Variants in AGFG1 observed in about 807,000 individuals in gnomAD.
The protein encoded by AGFG1 is ArfGAP with FG repeats 1, also known as arf-GAP domain and FG repeat-containing protein 1.
A neutral mutation model predicts 60.6 loss-of-function variants in AGFG1; 10 were observed. The ratio of observed to expected loss-of-function variants is 0.16; its 90% CI spans 0.10 to 0.28. AGFG1 has a LOEUF of 0.28. Among genes scored for constraint, AGFG1 ranks in the 10% least tolerant of loss-of-function variants. AGFG1 has a pLI of 1.00. For missense variants in AGFG1, 537 were observed against 676.5 expected (o/e 0.79, Z 2.29); for synonymous variants, 247 against 242.9 (o/e 1.02, Z -0.16).
chr2:227,546,467 C>T (rs370035462), intron 10 of AGFG1, among the ~76,000 whole-genome samples: 193 of 152,316 alleles, frequency 1.3e-3, no homozygotes, highest in African/African-American at 4.4e-3. Flanking sequence ...CGCCTTGCTT[C>T]GGCTCACACT....
At chr2:227,504,226 C>T (rs1213352553) in intron 2 of AGFG1, among the ~76,000 whole-genome samples, 16 of 150,818 alleles carry the variant, frequency 1.1e-4, no homozygotes, top group Non-Finnish European at 2.1e-4. Context: ...TCTCAACTTC[C>T]GTCACTCCCG....
rs376341887 is a variant in AGFG1 at position 227,520,108 on chromosome 2, A to T, written c.377+45A>T. 8 of 1,154,102 alleles carry T rather than the reference A, an allele frequency of 6.9e-6. No homozygotes were observed. In the African/African-American group the frequency reaches 9.7e-5, roughly 14 times the overall value. The allele number at this position is 1,154,102 out of a possible 1,614,324, so 71.5% of individuals were successfully genotyped here. A position where few individuals can be genotyped will look rare whatever the true frequency, so the allele number is the denominator to read the frequency against. On this transcript the variant is annotated intron_variant, in intron 3 of 12. Transcript: ENST00000310078. ...GTAGAATAAAGCCTCCCCAAATCACATATTAACTATGGGTAAGGTTAGTCT... is the reference window on the plus strand; with the variant it reads ...GTAGAATAAAGCCTCCCCAAATCACTTATTAACTATGGGTAAGGTTAGTCT...
At chr2:227,518,768 C>T (rs759233406) in intron 2 of AGFG1, among the ~76,000 whole-genome samples, 6 of 151,944 alleles carry the variant, frequency 3.9e-5, no homozygotes, top group Admixed American at 3.3e-4. Flanking sequence ...TCAGGTGATC[C>T]GCCTGCACCC....
At chr2:227,493,058 G>C (rs191999708) in intron 2 of AGFG1, among the ~76,000 whole-genome samples, 1 of 152,208 alleles carries the variant, frequency 6.6e-6, no homozygotes, top group Non-Finnish European at 1.5e-5. Context: ...GCAAAACTGT[G>C]ATAACAGCAG....
chr2:227,518,786 G>T (rs1182539237), intron 2 of AGFG1, among the ~76,000 whole-genome samples: 2 of 152,030 alleles, frequency 1.3e-5, no homozygotes, highest in African/African-American at 4.8e-5. Context: ...CCCGGCCTCA[G>T]TGTCATTTTA....
At chr2:227,503,520 G>A (rs988070364) in intron 2 of AGFG1, among the ~76,000 whole-genome samples, 1 of 152,188 alleles carries the variant, frequency 6.6e-6, no homozygotes, top group Non-Finnish European at 1.5e-5. Flanking sequence ...AGCTACCATT[G>A]TGAGACATGG....
chr2:227,549,718 G>A (rs1033302572), intron 10 of AGFG1, among the ~76,000 whole-genome samples: 17 of 152,256 alleles, frequency 1.1e-4, no homozygotes, highest in Non-Finnish European at 2.2e-4. Context: ...TATGAATAGC[G>A]TATTTAGATG....
intron 2 of AGFG1, among the ~76,000 whole-genome samples, chr2:227,518,895 G>T (rs1021088235): frequency 6.6e-6 from 1 of 152,186 alleles, no homozygotes; most frequent in Non-Finnish European, 1.5e-5. Flanking sequence ...AGTGTTGGCT[G>T]GGCATGGTGG....
intron 1 of AGFG1, among the ~76,000 whole-genome samples, chr2:227,486,334 G>A (rs1182193083): frequency 6.6e-6 from 1 of 151,968 alleles, no homozygotes; most frequent in Non-Finnish European, 1.5e-5. Context: ...GGGTTTTCGG[G>A]GGGTAATTTA....
intron 2 of AGFG1, among the ~76,000 whole-genome samples, chr2:227,501,627 A>G (rs984532093): frequency 5.9e-5 from 9 of 152,136 alleles, no homozygotes; most frequent in African/African-American, 1.9e-4. Context: ...TGTCACTCCC[A>G]GGCTGGAGTG....
intron 4 of AGFG1, 47 bp downstream of exon 4, chr2:227,523,972 T>G: frequency 6.5e-7 from 1 of 1,539,420 alleles, no homozygotes; most frequent in Non-Finnish European, 8.9e-7. Flanking sequence ...TAAAGAGGGC[T>G]TGAGTATCAA....
chr2:227,472,551 G>T lies in AGFG1; in HGVS notation c.130G>T (p.Val44Phe). The change falls in exon 1 of 13, where the codon GTC (valine) becomes TTC (phenylalanine). Residue 44 changes from valine to phenylalanine, a missense_variant. Coordinates refer to ENST00000310078, the MANE Select transcript of AGFG1 (RefSeq NM_004504.5). ...QRGPTYVNMTVGSFVCTSCSG... is the reference protein window; with the variant it reads ...QRGPTYVNMTFGSFVCTSCSG... ...CGGCCCCACCTACGTTAACATGACG[G>T]TCGGCTCCTTCGTGTGTACCTCCTG... The T allele has an allele frequency of 6.3e-7, 1 of 1,581,324 alleles. No homozygotes were observed. Among genetic ancestry groups the T allele is most frequent in the Non-Finnish European group, 8.6e-7 (1 of 1,163,496 alleles).
intron 10 of AGFG1, among the ~76,000 whole-genome samples, chr2:227,537,838 A>G (rs1692358991): frequency 6.6e-6 from 1 of 152,208 alleles, no homozygotes; most frequent in Admixed American, 6.5e-5. Flanking sequence ...GAGATTAGGT[A>G]CTTGTAACAT....
intron 5 of AGFG1, among the ~76,000 whole-genome samples, chr2:227,525,587 TC>T (rs1691969764): frequency 6.6e-6 from 1 of 152,252 alleles, no homozygotes; most frequent in Non-Finnish European, 1.5e-5. Flanking sequence ...ATAAGATTTT[TC>T]CTGTATTCCT....
At chr2:227,505,760 A>G (rs1303449032) in intron 2 of AGFG1, among the ~76,000 whole-genome samples, 2 of 151,724 alleles carry the variant, frequency 1.3e-5, no homozygotes, top group Admixed American at 6.6e-5. Context: ...TGTTTTTGAG[A>G]CGGAGTCTTA....
chr2:227,501,742 C>T (rs1007736495), intron 2 of AGFG1, among the ~76,000 whole-genome samples: 2 of 152,124 alleles, frequency 1.3e-5, no homozygotes, highest in African/African-American at 4.8e-5. Context: ...CACCACCACG[C>T]GTGGCCCATT....
chr2:227,513,408 G>A (rs1259366860), intron 2 of AGFG1, among the ~76,000 whole-genome samples: 2 of 152,196 alleles, frequency 1.3e-5, no homozygotes, highest in African/African-American at 4.8e-5. Context: ...TCAGCTGATT[G>A]AAGGAAAGGA....
intron 3 of AGFG1, among the ~76,000 whole-genome samples, chr2:227,523,201 A>G (rs983246142): frequency 3.9e-5 from 6 of 152,000 alleles, no homozygotes; most frequent in African/African-American, 1.2e-4. Context: ...GGTGAATAAA[A>G]CCTTAATTTG....
Position 227,531,080 on chromosome 2 carries a change from AC to A in AGFG1, c.695-9del. The A allele has an allele frequency of 1.2e-6, 2 of 1,607,896 alleles. No individual in the cohort carries two copies. The highest frequency in any genetic ancestry group is 1.7e-4 in the Middle Eastern group (1 of 6,042). ...TATTCATTAACATATGTTGTTCCTT[AC>A]CATTTACAGCTCAGAATTCTGCAAA... On this transcript the variant is annotated splice_polypyrimidine_tract_variant and intron_variant, in intron 5 of 12. Coordinates refer to ENST00000310078, the MANE Select transcript of AGFG1 (RefSeq NM_004504.5).
Sources: gnomAD v4.1 joint callset for allele counts (sites outside exome capture counted in the v4.1 genomes callset) on GRCh38, gnomAD v4.1.1 for gene constraint, MANE v1.5 for transcripts, NCBI Gene and HGNC (gene_info 2026-07-23, HGNC 2026-07-21) for gene names.